Variants in FBXO10 observed in about 807,000 individuals in gnomAD.
The protein encoded by FBXO10 is F-box protein 10.
A neutral mutation model predicts 80.7 loss-of-function variants in FBXO10; 39 were observed. The ratio of observed to expected loss-of-function variants is 0.48; its 90% CI spans 0.37 to 0.63. The LOEUF (loss-of-function observed/expected upper bound fraction) is 0.63. Among genes scored for constraint, FBXO10 ranks in the 30% least tolerant of loss-of-function variants. The pLI, the probability that FBXO10 is intolerant of heterozygous loss-of-function variation, is 0.00. For missense variants in FBXO10, 1,025 were observed against 1,269.0 expected (o/e 0.81, Z 2.92); for synonymous variants, 449 against 489.6 (o/e 0.92, Z 1.09).
At chr9:37,518,019 T>A in intron 9 of FBXO10, 106 bp downstream of exon 9, 1 of 1,172,648 alleles carries the variant, frequency 8.5e-7, no homozygotes, top group South Asian at 1.5e-5. Context: ...CTGTCCCTTG[T>A]AGTGCTGAGT....
intron 9 of FBXO10, 81 bp from the exon 10 acceptor site, chr9:37,516,166 C>T (rs1821175158): frequency 6.8e-7 from 1 of 1,462,770 alleles, no homozygotes; most frequent in Non-Finnish European, 9.2e-7. Context: ...ATTATCAGTT[C>T]TAAAACCAAG....
chr9:37,549,375 TA>T (rs1158078182), intron 1 of FBXO10, among the ~76,000 whole-genome samples: 1 of 152,176 alleles, frequency 6.6e-6, no homozygotes, highest in Non-Finnish European at 1.5e-5. Context: ...AGAATCATTT[TA>T]CAAGGCAAGT....
intron 4 of FBXO10, among the ~76,000 whole-genome samples, chr9:37,531,012 T>C (rs777769746): frequency 6.6e-5 from 10 of 152,208 alleles, no homozygotes; most frequent in Non-Finnish European, 1.5e-4. Context: ...ACTGCCTGGA[T>C]TCAAATCCCA....
chr9:37,525,745 C>A (rs1821454541), intron 5 of FBXO10, among the ~76,000 whole-genome samples: 1 of 151,992 alleles, frequency 6.6e-6, no homozygotes. Context: ...TGCTACGTTG[C>A]CCAGGCTGGT....
chr9:37,565,836 G>A (rs1822590097), intron 1 of FBXO10, among the ~76,000 whole-genome samples: 1 of 152,168 alleles, frequency 6.6e-6, no homozygotes, highest in Non-Finnish European at 1.5e-5. Context: ...ATTTGCATAG[G>A]ACTGGGACAT....
intron 1 of FBXO10, among the ~76,000 whole-genome samples, chr9:37,566,368 G>A (rs993255531): frequency 2.7e-5 from 4 of 150,716 alleles, no homozygotes; most frequent in East Asian, 1.9e-4. Context: ...CTGAGGCAGA[G>A]AATCGCTTGA....
chr9:37,546,656 T>A (rs985249428), intron 1 of FBXO10, among the ~76,000 whole-genome samples: 1 of 151,986 alleles, frequency 6.6e-6, no homozygotes, highest in South Asian at 2.1e-4. Context: ...CAAAACAAAG[T>A]TGGCAAAAGA....
At chr9:37,523,874 G>A (rs1210209229) in intron 6 of FBXO10, among the ~76,000 whole-genome samples, 1 of 152,168 alleles carries the variant, frequency 6.6e-6, no homozygotes, top group Non-Finnish European at 1.5e-5. Context: ...CCGAGATCGC[G>A]CCATTGCACT....
intron 1 of FBXO10, among the ~76,000 whole-genome samples, chr9:37,549,247 T>C (rs1305161456): frequency 1.3e-5 from 2 of 151,962 alleles, no homozygotes; most frequent in Non-Finnish European, 2.9e-5. Context: ...CCTTATCCTC[T>C]CCCCTCAGAA....
At position 37,541,422 on chromosome 9, in the gene FBXO10, C is replaced by A. The variant is rs370987051; in HGVS notation, c.347G>T (p.Arg116Leu). The A allele has an allele frequency of 1.9e-6, 3 of 1,613,976 alleles. No individual in the cohort carries two copies. Among genetic ancestry groups the A allele is most frequent in the Non-Finnish European group, 2.5e-6 (3 of 1,179,858 alleles). The change falls in exon 2 of 11, where the codon CGT (arginine) becomes CTT (leucine). Residue 116 changes from arginine to leucine, a missense_variant. Transcript: ENST00000432825. ...ERRTLSVGPGREFDSLGSALA... is the reference protein window; with the variant it reads ...ERRTLSVGPGLEFDSLGSALA... Reference sequence around the variant, plus strand: ...GGCACTGCCCAGGCTGTCAAACTCACGGCCTGGCCCAACACTCAGGGTACG... The same window carrying A: ...GGCACTGCCCAGGCTGTCAAACTCAAGGCCTGGCCCAACACTCAGGGTACG...
intron 4 of FBXO10, among the ~76,000 whole-genome samples, chr9:37,530,853 C>T (rs141750733): frequency 1.3e-5 from 2 of 152,320 alleles, no homozygotes; most frequent in African/African-American, 2.4e-5. Flanking sequence ...GTTGCCCAGG[C>T]TGGTCTTAAA....
At chr9:37,547,110 C>T (rs1198389229) in intron 1 of FBXO10, among the ~76,000 whole-genome samples, 1 of 152,184 alleles carries the variant, frequency 6.6e-6, no homozygotes, top group African/African-American at 2.4e-5. Flanking sequence ...AAAAGACTTA[C>T]ACAAGAATGT....
At chr9:37,539,606 A>G (rs1821863870) in intron 2 of FBXO10, among the ~76,000 whole-genome samples, 1 of 152,244 alleles carries the variant, frequency 6.6e-6, no homozygotes, top group Non-Finnish European at 1.5e-5. Flanking sequence ...AGGGTCTGGA[A>G]CATTATTTCT....
At chr9:37,518,538 G>A (rs754334041) in intron 8 of FBXO10, 100 bp from the exon 9 acceptor site, 18 of 1,013,664 alleles carry the variant, frequency 1.8e-5, no homozygotes, top group South Asian at 6.8e-5. Context: ...CCGGGAGAAC[G>A]GAGTGGAGAA....
At chr9:37,575,262 T>C (rs1240134353) in intron 1 of FBXO10, among the ~76,000 whole-genome samples, 1 of 152,140 alleles carries the variant, frequency 6.6e-6, no homozygotes, top group Non-Finnish European at 1.5e-5. Context: ...AACAGGTTCA[T>C]ATGCCAATTG....
chr9:37,522,518 T>G, intron 7 of FBXO10: 1 of 1,128,524 alleles, frequency 8.9e-7, no homozygotes, highest in Non-Finnish European at 1.1e-6. Flanking sequence ...TAAGAGGAGT[T>G]AGATGCACAT....
chr9:37,535,918 C>T (rs973054132), intron 3 of FBXO10: 1 of 152,234 alleles, frequency 6.6e-6, no homozygotes, highest in Non-Finnish European at 1.5e-5. Flanking sequence ...AATAACTATG[C>T]AAGGAAGAAT....
In FBXO10 at chr9:37,516,204, G is replaced by C. The variant is rs944213600; in HGVS notation, c.2515-119C>G. 6.1e-6 allele frequency: 7 copies of C among 1,150,990 alleles called. No homozygotes were observed. In the African/African-American group the frequency reaches 1.1e-4, roughly 18 times the overall value. 71.3% of individuals were successfully genotyped at this position (1,150,990 alleles called of 1,614,324 possible). A position where few individuals can be genotyped will look rare whatever the true frequency, so the allele number is the denominator to read the frequency against. ...GCAGGAACATGCCAGGCAGGTCAGT[G>C]AAGAGCCTATGAGCTCAAAGAAGGG... On this transcript the variant is annotated intron_variant, in intron 9 of 10. Transcript: ENST00000432825.
Position 37,522,845 on chromosome 9 carries a change from A to C in FBXO10, c.1910T>G (p.Ile637Arg). 6.4e-7 allele frequency: 1 copy of C among 1,552,480 alleles called. No individual in the cohort carries two copies. The highest frequency in any genetic ancestry group is 1.2e-5 in the South Asian group (1 of 84,070). ...CTCACCGTAGATGGTATTTCCTTCT[A>C]TGAGGCCTTTGCCTTCGTCTCCCAC... ...VVVGDEGKGL[I>R]EGNTIYANKG... The change falls in exon 7 of 11, where the codon ATA (isoleucine) becomes AGA (arginine). Residue 637 changes from isoleucine to arginine, a missense_variant. Transcript: ENST00000432825.
Sources: gnomAD v4.1 joint callset for allele counts (sites outside exome capture counted in the v4.1 genomes callset) on GRCh38, gnomAD v4.1.1 for gene constraint, MANE v1.5 for transcripts, NCBI Gene and HGNC (gene_info 2026-07-23, HGNC 2026-07-21) for gene names.